The following EML4 variants were observed in gnomAD, a reference collection of about 807,000 sequenced individuals.
EML4 encodes echinoderm microtubule-associated protein-like 4.
Under a neutral mutation model 129.0 loss-of-function variants are expected in EML4, and 72 were observed. That is an observed-to-expected ratio of 0.56 (90% CI 0.46 to 0.68). The LOEUF (loss-of-function observed/expected upper bound fraction) is 0.68. Ranked by LOEUF, EML4 falls within the 30% of genes least tolerant of loss-of-function variation. The pLI is 0.00. For synonymous variants in EML4, 532 were observed against 405.0 expected (o/e 1.31, Z -3.77); for missense variants, 1,363 against 1,190.6 (o/e 1.14, Z -2.13).
intron 1 of EML4, among the ~76,000 whole-genome samples, chr2:42,226,496 A>G (rs897475386): frequency 6.6e-6 from 1 of 151,444 alleles, no homozygotes; most frequent in Admixed American, 6.6e-5. Flanking sequence ...TGTCTCTACT[A>G]AAAATACAAA....
intron 9 of EML4, among the ~76,000 whole-genome samples, chr2:42,285,771 T>C (rs917622848): frequency 6.6e-6 from 1 of 152,020 alleles, no homozygotes; most frequent in Non-Finnish European, 1.5e-5. Context: ...GCTAATTTTT[T>C]ATATTTTTAA....
chr2:42,182,143 T>C (rs1308208401), intron 1 of EML4, among the ~76,000 whole-genome samples: 40 of 144,076 alleles, frequency 2.8e-4, no homozygotes, highest in African/African-American at 9.6e-4. Flanking sequence ...TTTTTTTTTA[T>C]GTAGAAAAAT....
intron 1 of EML4, among the ~76,000 whole-genome samples, chr2:42,221,512 C>G (rs56265813): frequency 3.4e-4 from 51 of 150,764 alleles, no homozygotes; most frequent in African/African-American, 1.2e-3. Flanking sequence ...CGGGCCCAAG[C>G]AATCCTCCCA....
chr2:42,241,115 C>G (rs1291538163), intron 1 of EML4, among the ~76,000 whole-genome samples: 1 of 151,966 alleles, frequency 6.6e-6, no homozygotes, highest in Non-Finnish European at 1.5e-5. Context: ...TGAGATTGCA[C>G]CACTGCACTC....
At chr2:42,170,368 A>G (rs1275495571) in intron 1 of EML4, 1 of 152,212 alleles carries the variant, frequency 6.6e-6, no homozygotes, top group Non-Finnish European at 1.5e-5. Context: ...TTCTGCATAC[A>G]TGCTGGGGAG....
At chr2:42,223,955 T>A in intron 1 of EML4, among the ~76,000 whole-genome samples, 1 of 152,124 alleles carries the variant, frequency 6.6e-6, no homozygotes, top group Non-Finnish European at 1.5e-5. Flanking sequence ...TTGGGAAAAT[T>A]TAAATTCTAT....
At chr2:42,238,269 G>A (rs1387550653) in intron 1 of EML4, among the ~76,000 whole-genome samples, 4 of 152,156 alleles carry the variant, frequency 2.6e-5, no homozygotes, top group African/African-American at 9.7e-5. Flanking sequence ...CCTGTAATAT[G>A]TTTTTAAAAT....
chr2:42,296,776 T>A (rs1299489040), intron 13 of EML4, among the ~76,000 whole-genome samples: 1 of 152,208 alleles, frequency 6.6e-6, no homozygotes, highest in Non-Finnish European at 1.5e-5. Context: ...GAATTTAAAT[T>A]TCGCATTACT....
chr2:42,187,287 A>G (rs1671314092), intron 1 of EML4, among the ~76,000 whole-genome samples: 1 of 151,910 alleles, frequency 6.6e-6, no homozygotes, highest in Non-Finnish European at 1.5e-5. Context: ...GGCTCAAGTG[A>G]TCTGCCTGCT....
intron 1 of EML4, among the ~76,000 whole-genome samples, chr2:42,180,780 G>A (rs992600638): frequency 2.6e-5 from 4 of 152,150 alleles, no homozygotes; most frequent in African/African-American, 9.7e-5. Flanking sequence ...TTCACTAATT[G>A]TCTCAATAAT....
At chr2:42,275,100 A>G (rs547775223) in intron 6 of EML4, among the ~76,000 whole-genome samples, 2 of 152,338 alleles carry the variant, frequency 1.3e-5, no homozygotes, top group South Asian at 4.1e-4. Context: ...TACAATGTAT[A>G]ACGCATATGT....
chr2:42,261,273 A>C lies in EML4; in HGVS notation c.491A>C (p.Lys164Thr), dbSNP rs1266298376. Reference protein sequence around the residue: ...LQIHRQTPESKNATPTKSIKR... With the variant: ...LQIHRQTPESTNATPTKSIKR... ...ATACACAGACAAACTCCAGAAAGCA[A>C]GAATGCTACTCCCACCAAAAGGTTT... The change falls in exon 4 of 23, where the codon AAG becomes ACG. Residue 164 changes from lysine to threonine, a missense_variant. Coordinates refer to ENST00000318522, the MANE Select transcript of EML4 (RefSeq NM_019063.5). The C allele has an allele frequency of 6.2e-7, 1 of 1,613,678 alleles. No homozygotes were observed. Among genetic ancestry groups the C allele is most frequent in the South Asian group, 1.1e-5 (1 of 91,026 alleles).
intron 3 of EML4, 59 bp downstream of exon 3, chr2:42,256,689 G>A: frequency 1.3e-6 from 2 of 1,587,588 alleles, no homozygotes; most frequent in Non-Finnish European, 1.7e-6. Flanking sequence ...ATGTGGTAGA[G>A]ATCTCCCTTT....
At chr2:42,269,312 A>G (rs1237652191) in intron 6 of EML4, among the ~76,000 whole-genome samples, 9 of 152,244 alleles carry the variant, frequency 5.9e-5, no homozygotes, top group African/African-American at 1.9e-4. Context: ...AAAACCCTGA[A>G]TAATCTTGTC....
chr2:42,223,552 T>C (rs1055751041), intron 1 of EML4, among the ~76,000 whole-genome samples: 2 of 152,172 alleles, frequency 1.3e-5, no homozygotes, highest in African/African-American at 2.4e-5. Flanking sequence ...CAAATTTTAC[T>C]GTAGCAGGTC....
In EML4 at chr2:42,261,510, A is replaced by C. The variant is rs202078344; in HGVS notation, c.512+216A>C. The C allele has an allele frequency of 3.2e-3, 1,211 of 376,858 alleles. 34 individuals are homozygous for C. The highest frequency in any genetic ancestry group is 0.025 in the East Asian group (660 of 25,890). 23.3% of individuals were successfully genotyped at this position (376,858 alleles called of 1,614,324 possible). ...CAGTTAAAACTGGAAAAAAAAAAAA[A>C]AAAAACTAAGTTATAAACAATCTGA... On this transcript the variant is annotated intron_variant, in intron 4 of 22. Transcript: ENST00000318522.
intron 11 of EML4, among the ~76,000 whole-genome samples, chr2:42,291,765 C>T (rs931171439): frequency 6.6e-6 from 1 of 152,116 alleles, no homozygotes; most frequent in East Asian, 1.9e-4. Context: ...CAACAAAACA[C>T]TCATATTCTG....
chr2:42,282,367 G>A (rs1354131333), intron 7 of EML4, among the ~76,000 whole-genome samples: 2 of 133,154 alleles, frequency 1.5e-5, no homozygotes, highest in African/African-American at 5.5e-5. Flanking sequence ...ATAATGGCAG[G>A]ATATGAGTTT....
intron 6 of EML4, among the ~76,000 whole-genome samples, chr2:42,278,810 C>T (rs530730738): frequency 6.6e-6 from 1 of 152,000 alleles, no homozygotes; most frequent in South Asian, 2.1e-4. Context: ...GTGGCACATG[C>T]CTATAATCCC....
Sources: gnomAD v4.1 joint callset for allele counts (sites outside exome capture counted in the v4.1 genomes callset) on GRCh38, gnomAD v4.1.1 for gene constraint, MANE v1.5 for transcripts, NCBI Gene and HGNC (gene_info 2026-07-23, HGNC 2026-07-21) for gene names.